The following NPAS3 variants were observed in gnomAD, a reference collection of about 807,000 sequenced individuals.
NPAS3 encodes the protein neuronal PAS domain-containing protein 3.
NPAS3 carries 14 observed loss-of-function variants against 73.1 expected under a neutral mutation model. The ratio of observed to expected loss-of-function variants is 0.19; its 90% CI spans 0.13 to 0.30. NPAS3 has a LOEUF of 0.30. Ranked by LOEUF, NPAS3 falls within the 10% of genes least tolerant of loss-of-function variation. The probability of loss-of-function intolerance (pLI) is 1.00; values close to 1 mark genes in which losing one functional copy is unlikely to be tolerated. For missense variants in NPAS3, 1,096 were observed against 1,250.0 expected (o/e 0.88, Z 1.86); for synonymous variants, 620 against 541.5 (o/e 1.14, Z -2.01).
chr14:33,393,409 C>A (rs577957753), intron 4 of NPAS3, among the ~76,000 whole-genome samples: 2 of 152,174 alleles, frequency 1.3e-5, no homozygotes, highest in East Asian at 3.9e-4. Context: ...TCATTACTCA[C>A]AACTATGCAC....
rs1250842907 is a variant in NPAS3, at chr14:33,198,225, A to C, written c.141-16957A>C. On this transcript the variant is annotated intron_variant, in intron 2 of 11. Coordinates refer to ENST00000356141, the Ensembl canonical transcript of NPAS3. ...GAGTTATTGCAAAGAGCAAAAGAAC[A>C]AAGCTTCCACAGCATGGAAGGGGAC... Among the ~76,000 whole-genome samples the C allele has an allele frequency of 4.6e-5, 7 of 152,336 alleles. No individual in the cohort carries two copies. The East Asian group carries it at 1.4e-3, about 29-fold the overall frequency.
intron 4 of NPAS3, among the ~76,000 whole-genome samples, chr14:33,460,483 G>A (rs2050211624): frequency 1.3e-5 from 2 of 152,180 alleles, no homozygotes; most frequent in Non-Finnish European, 2.9e-5. Context: ...TTTTGCACTT[G>A]TGGAATGCAG....
At chr14:33,008,260 T>C (rs2039069755) in intron 1 of NPAS3, among the ~76,000 whole-genome samples, 1 of 152,172 alleles carries the variant, frequency 6.6e-6, no homozygotes, top group South Asian at 2.1e-4. Context: ...ATGTATTATT[T>C]TACTGACAAG....
intron 4 of NPAS3, among the ~76,000 whole-genome samples, chr14:33,455,240 A>G (rs1415092344): frequency 6.6e-6 from 1 of 152,160 alleles, no homozygotes; most frequent in East Asian, 1.9e-4. Context: ...ATTCATTTTG[A>G]CCTTCTCTCA....
In NPAS3 at chr14:32,958,905, A is replaced by G. The variant is rs543512273; in HGVS notation, c.50+19539A>G. Among the ~76,000 whole-genome samples the G allele has an allele frequency of 2.0e-5, 3 of 152,322 alleles. No homozygotes were observed. In the South Asian group the frequency reaches 6.2e-4, roughly 32 times the overall value. On this transcript the variant is annotated intron_variant, in intron 1 of 11. Coordinates refer to ENST00000356141, the Ensembl canonical transcript of NPAS3. ...GTGGTAGTATTATTTTGCTCTGCCA[A>G]ACTATAACATGTAAGTCAGGAGTGT...
intron 4 of NPAS3, among the ~76,000 whole-genome samples, chr14:33,387,849 C>G (rs1315158): frequency 0.71 from 108,725 of 152,140 alleles, 39,744 homozygotes; most frequent in African/African-American, 0.84. Flanking sequence ...CAAATACCAA[C>G]AAATAGTCAC....
intron 3 of NPAS3, among the ~76,000 whole-genome samples, chr14:33,359,291 G>A (rs942319425): frequency 3.9e-5 from 6 of 152,166 alleles, no homozygotes; most frequent in Admixed American, 3.9e-4. Flanking sequence ...GAGGGTGAAT[G>A]GAGCATTAGA....
intron 1 of NPAS3, among the ~76,000 whole-genome samples, chr14:32,972,398 T>A (rs1334230773): frequency 6.6e-6 from 1 of 152,232 alleles, no homozygotes; most frequent in African/African-American, 2.4e-5. Context: ...AAATAATTCA[T>A]GTCTGTTCTA....
intron 3 of NPAS3, among the ~76,000 whole-genome samples, chr14:33,318,773 A>G (rs537663067): frequency 6.6e-6 from 1 of 152,264 alleles, no homozygotes; most frequent in East Asian, 1.9e-4. Flanking sequence ...TAACCAAATG[A>G]TATTGACCAA....
rs1555333533 is a variant in NPAS3 at position 33,784,755 on chromosome 14, T to TATTTA, written c.1153+6183_1153+6184insATTTA. On this transcript the variant is annotated intron_variant, in intron 9 of 11. Coordinates refer to ENST00000356141, the Ensembl canonical transcript of NPAS3. ...TTTATTTATTTATTTATTTTTTTTTTTTTTTTTTTTTTGAGACAGAGTTTC... is the reference window on the plus strand; with the variant it reads ...TTTATTTATTTATTTATTTTTTTTTTATTTATTTTTTTTTTTTGAGACAGAGTTTC... Among the ~76,000 whole-genome samples the TATTTA allele has an allele frequency of 1.6e-4, 20 of 125,078 alleles. 1 individual carries two copies. Among genetic ancestry groups the TATTTA allele is most frequent in the African/African-American group, 6.0e-4 (19 of 31,732 alleles). The allele number at this position is 125,078 out of a possible 152,430, so 82.1% of individuals were successfully genotyped here. A position where few individuals can be genotyped will look rare whatever the true frequency, so the allele number is the denominator to read the frequency against.
chr14:33,475,839 A>G (rs369663257), intron 4 of NPAS3, among the ~76,000 whole-genome samples: 15 of 152,228 alleles, frequency 9.9e-5, no homozygotes, highest in Admixed American at 6.5e-4. Context: ...TCACCCTGGC[A>G]TTCAGCCACC....
chr14:33,641,713 G>GTTTA (rs2058680661), intron 5 of NPAS3, among the ~76,000 whole-genome samples: 1 of 151,884 alleles, frequency 6.6e-6, no homozygotes. Context: ...TTTTCTCGGT[G>GTTTA]TTTATTTCTG....
intron 4 of NPAS3, among the ~76,000 whole-genome samples, chr14:33,423,414 A>C (rs2048433208): frequency 6.6e-6 from 1 of 151,990 alleles, no homozygotes; most frequent in African/African-American, 2.4e-5. Flanking sequence ...AATTTTACCC[A>C]AATATACCTT....
chr14:33,771,139 A>G (rs1175010502), intron 7 of NPAS3, among the ~76,000 whole-genome samples: 2 of 152,202 alleles, frequency 1.3e-5, no homozygotes, highest in East Asian at 1.9e-4. Context: ...AGCGATCTAC[A>G]TGTTTGGATA....
At chr14:33,736,446 A>G (rs993753232) in intron 7 of NPAS3, among the ~76,000 whole-genome samples, 20 of 152,206 alleles carry the variant, frequency 1.3e-4, no homozygotes, top group Admixed American at 5.9e-4. Flanking sequence ...GGTGCGATGC[A>G]GAGGAGAGGC....
At chr14:32,977,193 C>T (rs1054742319) in intron 1 of NPAS3, among the ~76,000 whole-genome samples, 4 of 151,806 alleles carry the variant, frequency 2.6e-5, no homozygotes, top group Non-Finnish European at 4.4e-5. Flanking sequence ...TTTCATTTTC[C>T]GTATTTTGGA....
chr14:33,298,443 A>G (rs2042394571), intron 3 of NPAS3, among the ~76,000 whole-genome samples: 1 of 152,118 alleles, frequency 6.6e-6, no homozygotes, highest in Non-Finnish European at 1.5e-5. Flanking sequence ...AGTTTCAGGG[A>G]AATCTTTAGA....
intron 3 of NPAS3, among the ~76,000 whole-genome samples, chr14:33,360,108 G>A (rs2045527368): frequency 6.6e-6 from 1 of 152,196 alleles, no homozygotes; most frequent in Non-Finnish European, 1.5e-5. Context: ...CAGTGGACTG[G>A]ATCCTCGTCA....
chr14:33,793,284 T>C (rs1359023062), intron 9 of NPAS3, among the ~76,000 whole-genome samples: 2 of 152,192 alleles, frequency 1.3e-5, no homozygotes, highest in Non-Finnish European at 2.9e-5. Context: ...CTGACTCCAC[T>C]GGGGAATTTA....
Sources: allele counts gnomAD v4.1 joint callset (sites outside exome capture counted in the v4.1 genomes callset), GRCh38; gene constraint gnomAD v4.1.1; transcripts MANE v1.5; gene names NCBI Gene and HGNC (gene_info 2026-07-23, HGNC 2026-07-21).